Variants in TMEM132D observed in about 807,000 individuals in gnomAD.
TMEM132D encodes the protein mature OL transmembrane protein.
In TMEM132D, 21 loss-of-function variants were observed where a neutral mutation model predicts 62.3. The ratio of observed to expected loss-of-function variants is 0.34; its 90% CI spans 0.24 to 0.49. The LOEUF (loss-of-function observed/expected upper bound fraction) is 0.49, where lower values mean the gene tolerates loss of function less well. Ranked by LOEUF, TMEM132D falls within the 20% of genes least tolerant of loss-of-function variation. The pLI, the probability that TMEM132D is intolerant of heterozygous loss-of-function variation, is 0.99. For synonymous variants in TMEM132D, 621 were observed against 575.6 expected, an observed-to-expected ratio of 1.08 and a Z score of -1.13; for missense variants, 1,346 against 1,402.8, an observed-to-expected ratio of 0.96 and a Z score of 0.65.
chr12:129,707,450 A>C (rs1881533626), intron 1 of TMEM132D, among the ~76,000 whole-genome samples: 1 of 152,076 alleles, frequency 6.6e-6, no homozygotes, highest in African/African-American at 2.4e-5. Context: ...TAAAATCCAA[A>C]GATTGGTATG....
At chr12:129,323,912 AT>A (rs3884224) in intron 4 of TMEM132D, among the ~76,000 whole-genome samples, 67,317 of 150,232 alleles carry the variant, frequency 0.45, 15,510 homozygotes, top group East Asian at 0.63. Flanking sequence ...AGTAGGTTTT[AT>A]TTTTTTTTTT....
At chr12:129,303,705 T>C (rs1468755584) in intron 4 of TMEM132D, among the ~76,000 whole-genome samples, 1 of 152,032 alleles carries the variant, frequency 6.6e-6, no homozygotes, top group Non-Finnish European at 1.5e-5. Flanking sequence ...AGATTTGTTA[T>C]GGAAATTGGC....
At chr12:129,573,270 C>A (rs1020604175) in intron 2 of TMEM132D, among the ~76,000 whole-genome samples, 16 of 152,152 alleles carry the variant, frequency 1.1e-4, no homozygotes, top group African/African-American at 3.9e-4. Flanking sequence ...GGAGAGGAAG[C>A]CCACAGGGGA....
chr12:129,821,120 A>G (rs1040506923), intron 1 of TMEM132D, among the ~76,000 whole-genome samples: 4 of 152,192 alleles, frequency 2.6e-5, no homozygotes, highest in African/African-American at 9.7e-5. Flanking sequence ...CTGATTTTCT[A>G]TATTCCAGAG....
intron 5 of TMEM132D, chr12:129,085,600 A>G (rs547770025): frequency 1.3e-5 from 2 of 152,338 alleles, no homozygotes; most frequent in South Asian, 2.1e-4. Context: ...GAATCCAAAC[A>G]TGCGGATTCC....
intron 5 of TMEM132D, among the ~76,000 whole-genome samples, chr12:129,149,338 C>G (rs7358708): frequency 6.6e-6 from 1 of 152,014 alleles, no homozygotes; most frequent in South Asian, 2.1e-4. Flanking sequence ...GGCGCAGGTA[C>G]ACTTACGTAA....
Position 129,688,038 on chromosome 12 carries a change from AC to A in TMEM132D, c.968+11771del, listed in dbSNP as rs1279776790. Among the ~76,000 whole-genome samples the A allele has an allele frequency of 7.2e-5, 11 of 152,258 alleles. No homozygotes were observed. The East Asian group carries it at 2.1e-3, about 30-fold the overall frequency. ...AATGTGTGTGAAGCCATAAGCCTTGACCAAACACATCTGACAGCTCCAAAGG... is the reference window on the plus strand; with the variant it reads ...AATGTGTGTGAAGCCATAAGCCTTGACAAACACATCTGACAGCTCCAAAGG... On this transcript the variant is annotated intron_variant, in intron 2 of 8. Transcript: ENST00000422113.
At chr12:129,181,516 A>T (rs1878064198) in intron 5 of TMEM132D, among the ~76,000 whole-genome samples, 1 of 152,168 alleles carries the variant, frequency 6.6e-6, no homozygotes, top group South Asian at 2.1e-4. Context: ...CAGTCCTCCT[A>T]GGATAAAATC....
intron 1 of TMEM132D, among the ~76,000 whole-genome samples, chr12:129,875,601 C>T (rs35436780): frequency 0.024 from 3,680 of 152,170 alleles, 74 homozygotes; most frequent in Non-Finnish European, 0.039. Flanking sequence ...GCAGGCATGG[C>T]GGGGAAGAGA....
At chr12:129,487,041 G>T (rs112525296) in intron 3 of TMEM132D, among the ~76,000 whole-genome samples, 13 of 151,702 alleles carry the variant, frequency 8.6e-5, no homozygotes, top group South Asian at 4.2e-4. Flanking sequence ...TGGGGGGGGG[G>T]GTTGTGGGTG....
At chr12:129,454,696 A>G (rs1873404330) in intron 3 of TMEM132D, among the ~76,000 whole-genome samples, 1 of 152,242 alleles carries the variant, frequency 6.6e-6, no homozygotes, top group African/African-American at 2.4e-5. Context: ...TAGCTGTTGC[A>G]GGAACCAAGG....
chr12:129,896,420 A>T (rs1036245415), intron 1 of TMEM132D, among the ~76,000 whole-genome samples: 4 of 152,200 alleles, frequency 2.6e-5, no homozygotes, highest in African/African-American at 9.6e-5. Context: ...CTGTTTTGAT[A>T]TCAAAATACT....
At chr12:129,755,582 C>A (rs554645661) in intron 1 of TMEM132D, among the ~76,000 whole-genome samples, 368 of 152,300 alleles carry the variant, frequency 2.4e-3, no homozygotes, top group Non-Finnish European at 4.1e-3. Context: ...AAACTCATAG[C>A]TGGTCTCTAG....
intron 1 of TMEM132D, among the ~76,000 whole-genome samples, chr12:129,794,437 C>A (rs529360773): frequency 6.6e-5 from 10 of 152,048 alleles, no homozygotes; most frequent in South Asian, 2.1e-4. Context: ...TGCAGGTATA[C>A]AACGCTCTTC....
At chr12:129,458,821 C>A (rs1170307041) in intron 3 of TMEM132D, among the ~76,000 whole-genome samples, 1 of 152,152 alleles carries the variant, frequency 6.6e-6, no homozygotes, top group Non-Finnish European at 1.5e-5. Flanking sequence ...CACGGTTTCA[C>A]CCAGTTGAAG....
chr12:129,806,750 G>T (rs1374611422), intron 1 of TMEM132D, among the ~76,000 whole-genome samples: 3 of 152,072 alleles, frequency 2.0e-5, no homozygotes, highest in Admixed American at 6.6e-5. Flanking sequence ...ACCAGGCCAG[G>T]CACGGTGGTT....
At chr12:129,305,424 T>C (rs1465541610) in intron 4 of TMEM132D, among the ~76,000 whole-genome samples, 2 of 152,202 alleles carry the variant, frequency 1.3e-5, no homozygotes, top group African/African-American at 4.8e-5. Context: ...AAGGACCTCA[T>C]GCCACCTGCA....
At chr12:129,884,458 G>A (rs1046749246) in intron 1 of TMEM132D, among the ~76,000 whole-genome samples, 2 of 152,142 alleles carry the variant, frequency 1.3e-5, no homozygotes, top group African/African-American at 4.8e-5. Flanking sequence ...AAAAGGATTT[G>A]AACAGATATT....
At chr12:129,640,635 C>G (rs1364061351) in intron 2 of TMEM132D, among the ~76,000 whole-genome samples, 1 of 152,198 alleles carries the variant, frequency 6.6e-6, no homozygotes, top group Non-Finnish European at 1.5e-5. Context: ...CTGGTCATAA[C>G]CTGCTATATC....
Sources: gnomAD v4.1 joint callset for allele counts (sites outside exome capture counted in the v4.1 genomes callset) on GRCh38, gnomAD v4.1.1 for gene constraint, MANE v1.5 for transcripts, NCBI Gene and HGNC (gene_info 2026-07-23, HGNC 2026-07-21) for gene names.